Variants in INTS9 observed in about 807,000 individuals in gnomAD.
The protein encoded by INTS9 is protein related to CPSF subunits of 74 kDa.
In INTS9, 55 loss-of-function variants were observed where a neutral mutation model predicts 79.7. The ratio of observed to expected loss-of-function variants is 0.69; its 90% CI spans 0.56 to 0.86. The LOEUF is 0.86. Ranked by LOEUF, INTS9 falls within the 40% of genes least tolerant of loss-of-function variation. The pLI is 0.00. For synonymous variants in INTS9, 319 were observed against 325.2 expected (o/e 0.98, Z 0.20); for missense variants, 721 against 831.5 (o/e 0.87, Z 1.64).
intron 14 of INTS9, among the ~76,000 whole-genome samples, chr8:28,773,750 G>C (rs1031085330): frequency 1.3e-5 from 2 of 151,912 alleles, no homozygotes; most frequent in African/African-American, 2.4e-5. Context: ...TTGAACTCGT[G>C]ACCTTAAGTG....
At chr8:28,865,095 G>A (rs1585500363) in intron 1 of INTS9, among the ~76,000 whole-genome samples, 3 of 151,498 alleles carry the variant, frequency 2.0e-5, no homozygotes, top group Admixed American at 2.0e-4. Context: ...ACTAAAACTT[G>A]AAAATCAAGA....
intron 5 of INTS9, 112 bp from the exon 6 acceptor site, chr8:28,835,490 C>A: frequency 1.5e-6 from 1 of 650,236 alleles, no homozygotes; most frequent in South Asian, 1.8e-5. Flanking sequence ...TACACCATTT[C>A]ATCATCATCT....
intron 13 of INTS9, 99 bp from the exon 14 acceptor site, chr8:28,776,025 G>A: frequency 3.2e-6 from 3 of 935,472 alleles, no homozygotes; most frequent in Non-Finnish European, 1.5e-6. Context: ...GCCATTACAG[G>A]CTCACCACTT....
chr8:28,777,722 A>C, intron 13 of INTS9, 107 bp downstream of exon 13: 1 of 1,302,604 alleles, frequency 7.7e-7, no homozygotes, highest in Non-Finnish European at 1.0e-6. Flanking sequence ...TGAGAACTGA[A>C]GACAAGAATC....
At chr8:28,874,781 T>C (rs568793099) in intron 1 of INTS9, among the ~76,000 whole-genome samples, 3 of 152,358 alleles carry the variant, frequency 2.0e-5, no homozygotes, top group Non-Finnish European at 4.4e-5. Flanking sequence ...TGATCTGTTG[T>C]TCCAATCAAA....
chr8:28,873,046 G>A (rs905374685), intron 1 of INTS9, among the ~76,000 whole-genome samples: 8 of 151,398 alleles, frequency 5.3e-5, no homozygotes, highest in South Asian at 4.2e-4. Context: ...ACAGTAATAC[G>A]TATTGATTCT....
At chr8:28,856,585 G>C (rs1808173909) in intron 2 of INTS9, among the ~76,000 whole-genome samples, 1 of 152,098 alleles carries the variant, frequency 6.6e-6, no homozygotes, top group Non-Finnish European at 1.5e-5. Context: ...ACCATGCCTA[G>C]CTAATTTTAA....
chr8:28,876,258 G>A (rs1344037814), intron 1 of INTS9, among the ~76,000 whole-genome samples: 2 of 151,972 alleles, frequency 1.3e-5, no homozygotes, highest in Non-Finnish European at 1.5e-5. Context: ...CTGTGTTTTG[G>A]CTAGGGATCA....
intron 1 of INTS9, among the ~76,000 whole-genome samples, chr8:28,870,348 GCTTTT>G (rs1263034261): frequency 6.5e-5 from 4 of 61,914 alleles, no homozygotes; most frequent in Non-Finnish European, 1.2e-4. Context: ...TCAGAAAAAA[GCTTTT>G]TTTTTTTTTT....
chr8:28,790,551 C>T (rs1803866342), intron 10 of INTS9, among the ~76,000 whole-genome samples: 1 of 152,168 alleles, frequency 6.6e-6, no homozygotes, highest in Non-Finnish European at 1.5e-5. Flanking sequence ...TGATCTCGAA[C>T]TCCTGGCCTC....
intron 6 of INTS9, among the ~76,000 whole-genome samples, chr8:28,828,197 G>A (rs1225288145): frequency 6.6e-6 from 1 of 152,190 alleles, no homozygotes; most frequent in African/African-American, 2.4e-5. Context: ...GAGTCTGAGT[G>A]ACAGTGACAA....
At chr8:28,773,855 C>T (rs1802716196) in intron 14 of INTS9, among the ~76,000 whole-genome samples, 1 of 152,148 alleles carries the variant, frequency 6.6e-6, no homozygotes, top group Admixed American at 6.5e-5. Flanking sequence ...CAGAGTCTCG[C>T]TCTGTCATCC....
chr8:28,797,478 CAGTA>C (rs1381617559), intron 8 of INTS9, among the ~76,000 whole-genome samples: 1 of 152,150 alleles, frequency 6.6e-6, no homozygotes, highest in Non-Finnish European at 1.5e-5. Context: ...TAGATGACTT[CAGTA>C]AGTCTCACAG....
rs755712559 is a variant in INTS9, at chr8:28,787,871, C to T, written c.1056G>A (p.Gln352=). 6.2e-7 allele frequency: 1 copy of T among 1,603,458 alleles called. No homozygotes were observed. The highest frequency in any genetic ancestry group is 1.3e-5 in the African/African-American group (1 of 74,840). The change falls in exon 11 of 17, where the codon CAG becomes CAA. Residue 352 remains glutamine (Q), a synonymous_variant. Coordinates refer to ENST00000521022, the MANE Select transcript of INTS9 (RefSeq NM_018250.4). ...GTGGTTCTGGAAGATACACCTTACTCTGTTTGTTGTGACAAAGCCTATTAA... is the reference window on the plus strand; with the variant it reads ...GTGGTTCTGGAAGATACACCTTACTTTGTTTGTTGTGACAAAGCCTATTAA... ...IFAEWLCHNK[Q]SKVYLPEPPF...
At chr8:28,785,191 CAT>C (rs1368397307) in intron 11 of INTS9, among the ~76,000 whole-genome samples, 1 of 152,198 alleles carries the variant, frequency 6.6e-6, no homozygotes, top group African/African-American at 2.4e-5. Context: ...ACGTTGACTG[CAT>C]ATGTCAAGTT....
At chr8:28,841,743 A>AT (rs1226890878) in intron 4 of INTS9, among the ~76,000 whole-genome samples, 7 of 152,174 alleles carry the variant, frequency 4.6e-5, no homozygotes, top group Non-Finnish European at 7.4e-5. Flanking sequence ...TATACTATAT[A>AT]TGGTATTCTT....
intron 12 of INTS9, among the ~76,000 whole-genome samples, chr8:28,779,087 C>G (rs1207313575): frequency 6.6e-6 from 1 of 152,196 alleles, no homozygotes; most frequent in Admixed American, 6.5e-5. Context: ...ATCTACTGTG[C>G]TGTGTAGATG....
At chr8:28,793,687 A>G in intron 10 of INTS9, 120 bp downstream of exon 10, 4 of 985,820 alleles carry the variant, frequency 4.1e-6, no homozygotes, top group Non-Finnish European at 4.3e-6. Context: ...ACAGACAGAA[A>G]AACAACAAAA....
intron 4 of INTS9, among the ~76,000 whole-genome samples, chr8:28,842,807 G>A (rs1163769212): frequency 1.3e-5 from 2 of 152,086 alleles, no homozygotes; most frequent in East Asian, 3.8e-4. Flanking sequence ...GGCTCTTTCT[G>A]TAACAATGAT....
Sources: allele counts gnomAD v4.1 joint callset (sites outside exome capture counted in the v4.1 genomes callset), GRCh38; gene constraint gnomAD v4.1.1; transcripts MANE v1.5; gene names NCBI Gene and HGNC (gene_info 2026-07-23, HGNC 2026-07-21).